Variants in KCNMA1 observed in about 807,000 individuals in gnomAD.
The protein encoded by KCNMA1 is Calcium-activated potassium channel subunit alpha-1.
In KCNMA1, 29 loss-of-function variants were observed where a neutral mutation model predicts 140.0. The observed-to-expected ratio is 0.21, with a 90% CI of 0.15 to 0.28. The LOEUF (loss-of-function observed/expected upper bound fraction) is 0.28, where lower values mean the gene tolerates loss of function less well. Ranked by LOEUF, KCNMA1 falls within the 10% of genes least tolerant of loss-of-function variation. KCNMA1 has a pLI of 1.00. For synonymous variants in KCNMA1, 612 were observed against 611.9 expected, an observed-to-expected ratio of 1.00 and a Z score of 0.00; for missense variants, 880 against 1,602.2, an observed-to-expected ratio of 0.55 and a Z score of 7.70.
At chr10:77,435,912 A>T (rs1253944419) in intron 1 of KCNMA1, among the ~76,000 whole-genome samples, 1 of 152,212 alleles carries the variant, frequency 6.6e-6, no homozygotes, top group Non-Finnish European at 1.5e-5. Context: ...ATTTTGGATG[A>T]ACCATGGGAC....
At chr10:76,947,342 CAAACAAACAAACAA>C (rs1413713058) in intron 22 of KCNMA1, among the ~76,000 whole-genome samples, 4 of 151,944 alleles carry the variant, frequency 2.6e-5, no homozygotes, top group East Asian at 1.9e-4. Context: ...GGACTCAAAA[CAAACAAACAAACAA>C]AAACAAACAA....
At chr10:77,360,804 A>G (rs185330581) in intron 2 of KCNMA1, among the ~76,000 whole-genome samples, 189 of 152,288 alleles carry the variant, frequency 1.2e-3, no homozygotes, top group African/African-American at 2.0e-3. Flanking sequence ...TGGGTGAAAC[A>G]AAGCAGCAGT....
chr10:77,296,068 C>T lies in KCNMA1; in HGVS notation c.541-44812G>A, dbSNP rs571242473. ...CCCTCAAAGATGCCAGTATCTTAATCCCAAGAACCCATGAATATGTGACCT... is the reference window on the plus strand; with the variant it reads ...CCCTCAAAGATGCCAGTATCTTAATTCCAAGAACCCATGAATATGTGACCT... On this transcript the variant is annotated intron_variant, in intron 2 of 27. Transcript: ENST00000286628. Among the ~76,000 whole-genome samples, 3 of 152,100 alleles carry T rather than the reference C, an allele frequency of 2.0e-5. No individual in the cohort carries two copies. In the South Asian group the frequency reaches 6.2e-4, roughly 32 times the overall value.
intron 1 of KCNMA1, among the ~76,000 whole-genome samples, chr10:77,596,263 A>C (rs900625858): frequency 6.6e-6 from 1 of 152,210 alleles, no homozygotes; most frequent in Non-Finnish European, 1.5e-5. Flanking sequence ...TCCTCTCCAG[A>C]GATCAATTTC....
intron 3 of KCNMA1, among the ~76,000 whole-genome samples, chr10:77,192,245 T>C (rs994608045): frequency 6.6e-6 from 1 of 152,174 alleles, no homozygotes; most frequent in Non-Finnish European, 1.5e-5. Context: ...AATTTCTCAA[T>C]AAAACACACA....
intron 2 of KCNMA1, among the ~76,000 whole-genome samples, chr10:77,295,788 A>C (rs1358451413): frequency 2.6e-5 from 1 of 38,012 alleles, no homozygotes; most frequent in African/African-American, 7.5e-5. Context: ...ACTCCGTCTC[A>C]AAAAAAAAAA....
intron 1 of KCNMA1, among the ~76,000 whole-genome samples, chr10:77,412,046 G>T (rs1351589696): frequency 6.6e-6 from 1 of 152,196 alleles, no homozygotes; most frequent in African/African-American, 2.4e-5. Context: ...TGGGAGGTAG[G>T]GTTCTGACAG....
chr10:77,149,334 A>C (rs2098376802), intron 5 of KCNMA1, among the ~76,000 whole-genome samples: 1 of 152,186 alleles, frequency 6.6e-6, no homozygotes, highest in African/African-American at 2.4e-5. Context: ...ATGGGCATAA[A>C]CTAATTTCTT....
intron 2 of KCNMA1, among the ~76,000 whole-genome samples, chr10:77,362,375 A>G (rs1193587474): frequency 2.1e-5 from 1 of 48,388 alleles, no homozygotes; most frequent in Admixed American, 2.8e-4. Flanking sequence ...CCACACACAC[A>G]CACACACGAT....
rs1015011962 is a variant in KCNMA1 at position 77,637,463 on chromosome 10, CGAGGACGAG to C, written c.171_179del (p.Ser58_Ser60del). ...GCGCATCCATCTTGGGCTCGTGGAC[CGAGGACGAG>C]GAGGAAGAGGAGGAGGAAGAAGAAG... On this transcript the variant is annotated inframe_deletion, in exon 1 of 28. Coordinates refer to ENST00000286628, the MANE Select transcript of KCNMA1 (RefSeq NM_001161352.2). 2.5e-6 allele frequency: 4 copies of C among 1,611,160 alleles called. No homozygotes were observed. The highest frequency in any genetic ancestry group is 1.3e-5 in the African/African-American group (1 of 74,662).
intron 14 of KCNMA1, among the ~76,000 whole-genome samples, chr10:77,067,491 C>T (rs1342144661): frequency 6.6e-6 from 1 of 152,212 alleles, no homozygotes. Context: ...CTCTCTCTCT[C>T]ACGCATGTGT....
At chr10:76,869,705 T>A (rs940926315) in exon 28 of KCNMA1, 3 of 152,664 alleles carry the variant, frequency 2.0e-5, no homozygotes, top group African/African-American at 7.2e-5. Context: ...GAGTTATCAC[T>A]GGTTGTTACA....
intron 2 of KCNMA1, among the ~76,000 whole-genome samples, chr10:77,380,874 G>A (rs1428913737): frequency 6.6e-6 from 1 of 152,154 alleles, no homozygotes; most frequent in African/African-American, 2.4e-5. Context: ...TAGTGGATGT[G>A]GTGAAATGAA....
intron 3 of KCNMA1, among the ~76,000 whole-genome samples, chr10:77,202,144 T>C (rs746493160): frequency 2.0e-5 from 3 of 152,220 alleles, no homozygotes; most frequent in Non-Finnish European, 1.5e-5. Context: ...ACTGATTTCT[T>C]TAACAAACAT....
chr10:77,230,740 C>G (rs1342280299), intron 3 of KCNMA1, among the ~76,000 whole-genome samples: 1 of 152,202 alleles, frequency 6.6e-6, no homozygotes, highest in Non-Finnish European at 1.5e-5. Flanking sequence ...CAGTTCCTGC[C>G]TCTTTGGCTC....
At chr10:76,958,592 T>A (rs1245951627) in intron 20 of KCNMA1, among the ~76,000 whole-genome samples, 2 of 152,244 alleles carry the variant, frequency 1.3e-5, no homozygotes, top group Admixed American at 6.5e-5. Context: ...TAAAATTAGG[T>A]CATTGGGGTG....
At chr10:77,318,786 G>C (rs1042014083) in intron 2 of KCNMA1, among the ~76,000 whole-genome samples, 2 of 152,162 alleles carry the variant, frequency 1.3e-5, no homozygotes, top group Admixed American at 6.5e-5. Flanking sequence ...GAGAAGAGTT[G>C]AGGAAGGTTT....
chr10:76,921,420 G>C (rs2055736361), intron 23 of KCNMA1, among the ~76,000 whole-genome samples: 1 of 152,154 alleles, frequency 6.6e-6, no homozygotes, highest in South Asian at 2.1e-4. Context: ...ATGAAGTGCA[G>C]ATCAATAAAA....
chr10:77,485,219 T>C lies in KCNMA1; in HGVS notation c.379-81196A>G, dbSNP rs183250242. On this transcript the variant is annotated intron_variant, in intron 1 of 27. Coordinates refer to ENST00000286628, the MANE Select transcript of KCNMA1 (RefSeq NM_001161352.2). ...ATTTGTATGCCCATCATGCACCATA[T>C]GGTGCTCATATTACATACGCAATAA... 3.3e-5 allele frequency among the ~76,000 whole-genome samples: 5 copies of C among 152,348 alleles called. No homozygotes were observed. The East Asian group carries it at 9.6e-4, about 29-fold the overall frequency.
Sources: gnomAD v4.1 joint callset for allele counts (sites outside exome capture counted in the v4.1 genomes callset) on GRCh38, gnomAD v4.1.1 for gene constraint, MANE v1.5 for transcripts, NCBI Gene and HGNC (gene_info 2026-07-23, HGNC 2026-07-21) for gene names.